Variants in ZNF236 observed in about 807,000 individuals in gnomAD.
ZNF236 encodes the protein zinc finger protein 236.
In ZNF236, 50 loss-of-function variants were observed where a neutral mutation model predicts 191.2. The observed-to-expected ratio is 0.26, with a 90% confidence interval of 0.21 to 0.33. The LOEUF is 0.33. Among genes scored for constraint, ZNF236 ranks in the 10% least tolerant of loss-of-function variants. ZNF236 has a pLI of 1.00. For missense variants in ZNF236, 1,754 were observed against 2,374.5 expected (o/e 0.74, Z 5.43); for synonymous variants, 907 against 928.8 (o/e 0.98, Z 0.43).
intron 5 of ZNF236, among the ~76,000 whole-genome samples, chr18:76,874,023 G>C (rs1976650466): frequency 7.2e-6 from 1 of 138,698 alleles, no homozygotes; most frequent in Admixed American, 7.5e-5. Context: ...CCTCCTGCCT[G>C]CCTGTCCTCC....
intron 19 of ZNF236, among the ~76,000 whole-genome samples, chr18:76,916,407 AAC>A (rs1967365339): frequency 6.6e-6 from 1 of 152,170 alleles, no homozygotes; most frequent in Non-Finnish European, 1.5e-5. Context: ...CCCTTGGTAA[AAC>A]CTGTGCTTGC....
intron 10 of ZNF236, among the ~76,000 whole-genome samples, chr18:76,897,199 T>A (rs112299532): frequency 0.012 from 1,831 of 148,176 alleles, 29 homozygotes; most frequent in African/African-American, 0.044. Context: ...TGGTACCGCA[T>A]AAAGTACCAA....
At chr18:76,935,273 T>C (rs1367321420) in intron 25 of ZNF236, among the ~76,000 whole-genome samples, 1 of 152,232 alleles carries the variant, frequency 6.6e-6, no homozygotes, top group Non-Finnish European at 1.5e-5. Flanking sequence ...ATCATCCTCT[T>C]TGTGGAAAAT....
chr18:76,846,658 T>C (rs983504056), intron 1 of ZNF236, among the ~76,000 whole-genome samples: 5 of 152,248 alleles, frequency 3.3e-5, no homozygotes, highest in Non-Finnish European at 7.3e-5. Context: ...AAATTAATTC[T>C]GTGTTATATC....
At chr18:76,954,875 T>C (rs1487553712) in intron 27 of ZNF236, among the ~76,000 whole-genome samples, 1 of 152,270 alleles carries the variant, frequency 6.6e-6, no homozygotes, top group African/African-American at 2.4e-5. Flanking sequence ...GTTCCTTTTT[T>C]TCCCCATTCC....
At position 76,960,776 on chromosome 18, in the gene ZNF236, C is replaced by T. The variant is rs779706421; in HGVS notation, c.5340C>T (p.Tyr1780=). The T allele has an allele frequency of 6.2e-7, 1 of 1,614,164 alleles. No homozygotes were observed. The highest frequency in any genetic ancestry group is 8.5e-7 in the Non-Finnish European group (1 of 1,180,018). The change falls in exon 30 of 31, where the codon TAC becomes TAT. Residue 1780 remains tyrosine (Y), a synonymous_variant. Coordinates refer to ENST00000320610, the MANE Select transcript of ZNF236 (RefSeq NM_001306089.2). The surrounding 1 kb of genome is among the most constrained non-coding windows in gnomAD (Gnocchi z 4.4). ...AGAAGCACACGGGGGAGCGGCCCTA[C>T]AAGTGTGCCTACTGCGTCATGGGCT... ...HMKKHTGERP[Y]KCAYCVMGFT... is the part of the protein sequence containing the mutation.
At position 76,947,609 on chromosome 18, in the gene ZNF236, C is replaced by T. The variant is rs775104594; in HGVS notation, c.4871C>T (p.Thr1624Met). ...GSPQVILVSHTPQSASAACEE... is the reference protein window; with the variant it reads ...GSPQVILVSHMPQSASAACEE... ...CCGCAAGTCATACTAGTGAGCCACA[C>T]GCCACAGTCAGCGTCTGCTGCTTGT... is the stretch of plus-strand genomic sequence containing the variant. The change falls in exon 27 of 31, where the codon ACG (threonine) becomes ATG (methionine). Residue 1624 changes from threonine (T) to methionine (M), a missense_variant. Physicochemically the swap from Thr to Met is moderately conservative, Grantham distance 81. Coordinates refer to ENST00000320610, the MANE Select transcript of ZNF236 (RefSeq NM_001306089.2). 38 of 1,613,850 alleles carry T rather than the reference C, an allele frequency of 2.4e-5. No individual in the cohort carries two copies. Among genetic ancestry groups the T allele is most frequent in the African/African-American group, 5.3e-5 (4 of 74,882 alleles).
At chr18:76,949,723 A>G (rs1968356906) in intron 27 of ZNF236, among the ~76,000 whole-genome samples, 1 of 151,224 alleles carries the variant, frequency 6.6e-6, no homozygotes, top group Non-Finnish European at 1.5e-5. Flanking sequence ...CAGTGGTGCA[A>G]TCTCAGCTCA....
chr18:76,921,246 G>A (rs1050148835), intron 20 of ZNF236, among the ~76,000 whole-genome samples: 1 of 152,182 alleles, frequency 6.6e-6, no homozygotes. Context: ...CAATGAGGGA[G>A]GTCACTGGAG....
intron 9 of ZNF236, 144 bp from the exon 10 acceptor site, chr18:76,894,869 T>A (rs550093441): frequency 8.8e-7 from 1 of 1,137,042 alleles, no homozygotes; most frequent in East Asian, 2.4e-5. Flanking sequence ...CTCCTAGCCC[T>A]CGATAATGTC....
intron 19 of ZNF236, among the ~76,000 whole-genome samples, chr18:76,918,107 G>C (rs1453852453): frequency 1.3e-5 from 2 of 152,016 alleles, no homozygotes; most frequent in African/African-American, 4.8e-5. Context: ...CTGTTGAGTT[G>C]TAAGTTTTTT....
At chr18:76,836,536 G>C (rs539592001) in intron 1 of ZNF236, among the ~76,000 whole-genome samples, 2 of 151,866 alleles carry the variant, frequency 1.3e-5, no homozygotes, top group South Asian at 4.2e-4. Context: ...TCTTGATAGT[G>C]CCCTTTGATT....
chr18:76,865,249 A>C (rs1976374302), intron 3 of ZNF236, among the ~76,000 whole-genome samples: 2 of 152,094 alleles, frequency 1.3e-5, no homozygotes, highest in South Asian at 4.1e-4. Context: ...AGGCAGGAGA[A>C]TTGCTTGAAC....
At chr18:76,894,897 C>T (rs1301853968) in intron 9 of ZNF236, 116 bp from the exon 10 acceptor site, 4 of 1,385,422 alleles carry the variant, frequency 2.9e-6, no homozygotes, top group Non-Finnish European at 3.9e-6. Context: ...CTGGGAATTC[C>T]AAGCTTTCCC....
In ZNF236 at chr18:76,915,853, G is replaced by A. The variant is rs1967348344; in HGVS notation, c.3268G>A (p.Gly1090Arg). Residue 1090 changes from glycine (G) to arginine (R), a missense_variant, in exon 19 of 31, where the codon GGA becomes AGA. Physicochemically the swap from Gly to Arg is moderately radical, Grantham distance 125. This residue lies in a region of ZNF236 where 641 missense variants were observed against 869.6 expected (regional missense o/e 0.74). Transcript: ENST00000320610. The part of the protein sequence containing the change: ...SAVSATGETE[G>R]GDICMEEEEE... Reference sequence around the variant, plus strand: ...TGTGTCAGCCACTGGAGAGACAGAAGGAGGAGGTATTTTCCATTTGTTGAT... The same window carrying A: ...TGTGTCAGCCACTGGAGAGACAGAAAGAGGAGGTATTTTCCATTTGTTGAT... 1 of 1,611,750 alleles carries A rather than the reference G, an allele frequency of 6.2e-7. No homozygotes were observed. The highest frequency in any genetic ancestry group is 8.5e-7 in the Non-Finnish European group (1 of 1,177,896).
chr18:76,958,372 A>G (rs933547681), intron 28 of ZNF236, among the ~76,000 whole-genome samples: 1 of 152,184 alleles, frequency 6.6e-6, no homozygotes, highest in Non-Finnish European at 1.5e-5. Flanking sequence ...AGTCATCAGC[A>G]TAGAGTGGCA....
At position 76,955,983 on chromosome 18, in the gene ZNF236, A is replaced by G; in HGVS notation, c.4915-2A>G. The G allele has an allele frequency of 6.2e-7, 1 of 1,606,934 alleles. No homozygotes were observed. The highest frequency in any genetic ancestry group is 8.5e-7 in the Non-Finnish European group (1 of 1,177,990). ...AAAGTCACAATTTCTGGCTCTTTCC[A>G]GGTAGCTGGCGTCTCTGGGAACCTG... On this transcript the variant is annotated splice_acceptor_variant, in intron 27 of 30. Transcript: ENST00000320610. LOFTEE classifies it high-confidence loss of function.
intron 22 of ZNF236, among the ~76,000 whole-genome samples, chr18:76,926,227 A>G (rs1190434412): frequency 1.3e-5 from 2 of 150,788 alleles, no homozygotes; most frequent in Admixed American, 1.3e-4. Flanking sequence ...TATAAAGTGT[A>G]TCTGTTTCAC....
At chr18:76,947,839 A>G (rs1968302737) in intron 27 of ZNF236, among the ~76,000 whole-genome samples, 187 bp downstream of exon 27, 1 of 152,152 alleles carries the variant, frequency 6.6e-6, no homozygotes. Flanking sequence ...AATGACAGGT[A>G]CGATATCTCA....
Sources: allele counts gnomAD v4.1 joint callset (sites outside exome capture counted in the v4.1 genomes callset), GRCh38; gene constraint gnomAD v4.1.1; regional missense constraint gnomAD v4.1.1; non-coding constraint Gnocchi (gnomAD v3.1); transcripts MANE v1.5; gene names NCBI Gene and HGNC (gene_info 2026-07-23, HGNC 2026-07-21).